NUP133: variants seen among roughly 807,000 people sequenced by gnomAD.
NUP133 encodes the protein nucleoporin 133.
NUP133 carries 66 observed loss-of-function variants against 146.2 expected under a neutral mutation model. The ratio of observed to expected loss-of-function variants is 0.45; its 90% confidence interval spans 0.37 to 0.55. The LOEUF (loss-of-function observed/expected upper bound fraction) is 0.55. Among genes scored for constraint, NUP133 ranks in the 20% least tolerant of loss-of-function variants. The probability of loss-of-function intolerance (pLI) is 0.00; values close to 1 mark genes in which losing one functional copy is unlikely to be tolerated. For missense variants in NUP133, 1,277 were observed against 1,374.8 expected, an observed-to-expected ratio of 0.93 and a Z score of 1.12; for synonymous variants, 521 against 498.8, an observed-to-expected ratio of 1.04 and a Z score of -0.59.
chr1:229,484,131 C>A lies in NUP133; in HGVS notation c.1515G>T (p.Glu505Asp). 3 of 1,611,936 alleles carry A rather than the reference C, an allele frequency of 1.9e-6. No homozygotes were observed. The highest frequency in any genetic ancestry group is 2.5e-6 in the Non-Finnish European group (3 of 1,178,672). ...CTATAGTTTCATTCTTTGTAGTGGT[C>A]TCAAAAATCATACTCTGCAAAATAA... is the stretch of plus-strand genomic sequence containing the variant. The part of the protein sequence containing the change: ...AGPNSESMIF[E>D]TTTKNETIAQ... Residue 505 changes from glutamate (E) to aspartate (D), a missense_variant, in exon 12 of 26, where the codon GAG (glutamate) becomes GAT (aspartate). Glu to Asp is a conservative substitution (Grantham distance 45). Transcript: ENST00000261396.
chr1:229,463,538 A>T lies in NUP133; in HGVS notation c.2685+5T>A. 6.2e-7 allele frequency: 1 copy of T among 1,613,624 alleles called. No homozygotes were observed. Among genetic ancestry groups the T allele is most frequent in the Non-Finnish European group, 8.5e-7 (1 of 1,179,836 alleles). ...CTCAGTGGCCACACACCCAACACTC[A>T]TCACCTGATCAGCAAACTGGGTCAT... On this transcript the variant is annotated splice_donor_5th_base_variant and intron_variant, in intron 19 of 25. Coordinates refer to ENST00000261396, the MANE Select transcript of NUP133 (RefSeq NM_018230.3).
intron 9 of NUP133, among the ~76,000 whole-genome samples, chr1:229,489,533 TA>T (rs1661456819): frequency 6.6e-6 from 1 of 152,210 alleles, no homozygotes; most frequent in Non-Finnish European, 1.5e-5. Context: ...CAAGCTATTT[TA>T]AAATATTTCC....
rs185457589 is a variant in NUP133 at position 229,499,945 on chromosome 1, A to C, written c.514-127T>G. 5.3e-6 allele frequency: 6 copies of C among 1,127,974 alleles called. No individual in the cohort carries two copies. In the East Asian group the frequency reaches 1.6e-4, roughly 29 times the overall value. The allele number at this position is 1,127,974 out of a possible 1,614,324, so 69.9% of individuals were successfully genotyped here. On this transcript the variant is annotated intron_variant, in intron 4 of 25. Coordinates refer to ENST00000261396, the MANE Select transcript of NUP133 (RefSeq NM_018230.3). Reference sequence around the variant, plus strand: ...TGATCAAGAAAAATCAGAAATAAGAACTCACCAGTGTTTTGGTTTGCATTT... The same window carrying C: ...TGATCAAGAAAAATCAGAAATAAGACCTCACCAGTGTTTTGGTTTGCATTT...
intron 6 of NUP133, among the ~76,000 whole-genome samples, chr1:229,497,921 ATCTG>A (rs1661697575): frequency 1.3e-5 from 2 of 152,254 alleles, no homozygotes; most frequent in South Asian, 2.1e-4. Flanking sequence ...TTGTGAGATA[ATCTG>A]TCTGATTTAA....
At chr1:229,473,688 C>T (rs79255779) in intron 14 of NUP133, among the ~76,000 whole-genome samples, 264 of 152,190 alleles carry the variant, frequency 1.7e-3, no homozygotes, top group Middle Eastern at 3.4e-3. Context: ...CTTTGGGAGG[C>T]AGAGGCAGGC....
At chr1:229,460,358 G>A (rs1660665527) in intron 20 of NUP133, among the ~76,000 whole-genome samples, 1 of 151,966 alleles carries the variant, frequency 6.6e-6, no homozygotes, top group Non-Finnish European at 1.5e-5. Flanking sequence ...ACCACACCTG[G>A]CTAATGTTTT....
chr1:229,456,053 C>A (rs1660552573), intron 21 of NUP133, among the ~76,000 whole-genome samples: 1 of 152,130 alleles, frequency 6.6e-6, no homozygotes, highest in Non-Finnish European at 1.5e-5. Flanking sequence ...TCTAGGGCAA[C>A]TGTATTATAC....
rs550657910 is a variant in NUP133 at position 229,486,524 on chromosome 1, A to G, written c.1347T>C (p.Asp449=). 1.2e-6 allele frequency: 2 copies of G among 1,605,290 alleles called. No homozygotes were observed. Among genetic ancestry groups the G allele is most frequent in the Admixed American group, 3.5e-5 (2 of 57,588 alleles). Residue 449 remains aspartate, a synonymous_variant, in exon 11 of 26, where the codon GAT becomes GAC. Coordinates refer to ENST00000261396, the MANE Select transcript of NUP133 (RefSeq NM_018230.3). ...CACAGGCACCAGCACCTAAAACACTATCTCCTAAAAGAAAGGAAAACAGAG... is the reference window on the plus strand; with the variant it reads ...CACAGGCACCAGCACCTAAAACACTGTCTCCTAAAAGAAAGGAAAACAGAG... The part of the protein sequence containing the change: ...QEKIVFNAQG[D]SVLGAGACGG...
intron 7 of NUP133, 22 bp from the exon 8 acceptor site, chr1:229,495,587 G>A: frequency 6.6e-7 from 1 of 1,522,098 alleles, no homozygotes; most frequent in African/African-American, 1.4e-5. Flanking sequence ...TATCAATAAT[G>A]TAAGCTTCTC....
chr1:229,495,119 T>C (rs1010185315), intron 8 of NUP133, among the ~76,000 whole-genome samples: 3 of 152,196 alleles, frequency 2.0e-5, no homozygotes, highest in Non-Finnish European at 4.4e-5. Flanking sequence ...CTGGGCACAG[T>C]GGCTCACACC....
Position 229,464,624 on chromosome 1 carries a change from G to A in NUP133, c.2551C>T (p.Leu851Phe), listed in dbSNP as rs745887467. 2.0e-5 allele frequency: 33 copies of A among 1,613,462 alleles called. No homozygotes were observed. The highest frequency in any genetic ancestry group is 2.2e-5 in the Non-Finnish European group (26 of 1,179,526). The part of the protein sequence containing the change: ...QKRSDLLSPL[L>F]SLGQYLWAAS... ...CTCTTGCCAAGTATCATGAACTTACGAAGAGGAGATAAGAGATCTGATCTT... is the reference window on the plus strand; with the variant it reads ...CTCTTGCCAAGTATCATGAACTTACAAAGAGGAGATAAGAGATCTGATCTT... The change falls in exon 18 of 26, where the codon CTT (leucine) becomes TTT (phenylalanine). Residue 851 changes from leucine to phenylalanine, a missense_variant and splice_region_variant. Physicochemically the swap from Leu to Phe is conservative, Grantham distance 22 (BLOSUM62 0). Coordinates refer to ENST00000261396, the MANE Select transcript of NUP133 (RefSeq NM_018230.3).
intron 17 of NUP133, 119 bp from the exon 18 acceptor site, chr1:229,464,994 G>A (rs1660779276): frequency 1.8e-5 from 21 of 1,144,016 alleles, no homozygotes; most frequent in Non-Finnish European, 2.6e-5. Context: ...ATTGAACAGG[G>A]ATTCAGGTGA....
intron 2 of NUP133, among the ~76,000 whole-genome samples, chr1:229,502,799 A>G (rs1333342791): frequency 8.0e-6 from 1 of 124,678 alleles, no homozygotes; most frequent in Non-Finnish European, 1.6e-5. Flanking sequence ...CTCTCTCTTA[A>G]AAAAAAAAAA....
intron 15 of NUP133, among the ~76,000 whole-genome samples, chr1:229,470,274 T>A (rs1444664373): frequency 7.3e-6 from 1 of 137,322 alleles, no homozygotes; most frequent in Non-Finnish European, 1.5e-5. Context: ...GGCAACAGAG[T>A]GAGACTCCAT....
Position 229,441,537 on chromosome 1 carries a change from A to T in NUP133, c.*367T>A. 2.0e-6 allele frequency: 1 copy of T among 492,746 alleles called. No individual in the cohort carries two copies. Among genetic ancestry groups the T allele is most frequent in the South Asian group, 1.5e-5 (1 of 66,288 alleles). The allele number at this position is 492,746 out of a possible 1,614,324, so 30.5% of individuals were successfully genotyped here. ...GTATCTGGAGTCACAGCAATTTTAG[A>T]GACAAGCTAGTGCAATCTAGTAATT... On this transcript the variant is annotated 3_prime_UTR_variant, in exon 26 of 26. Coordinates refer to ENST00000261396, the MANE Select transcript of NUP133 (RefSeq NM_018230.3).
intron 22 of NUP133, 31 bp downstream of exon 22, chr1:229,452,494 A>G (rs771289756): frequency 3.7e-5 from 57 of 1,546,224 alleles, no homozygotes; most frequent in Non-Finnish European, 5.1e-5. Flanking sequence ...TGAGTTTAAG[A>G]AATAGCGTTA....
Position 229,496,016 on chromosome 1 carries a change from G to A in NUP133, c.851C>T (p.Ser284Leu). The A allele has an allele frequency of 6.2e-7, 1 of 1,602,836 alleles. No individual in the cohort carries two copies. Among genetic ancestry groups the A allele is most frequent in the East Asian group, 2.2e-5 (1 of 44,564 alleles). The change falls in exon 7 of 26, where the codon TCA becomes TTA. Residue 284 changes from serine to leucine, a missense_variant. Coordinates refer to ENST00000261396, the MANE Select transcript of NUP133 (RefSeq NM_018230.3). ...TGAACTCGTCAGGCTATAAAAGCTTGATCTCTCTCTATCCCAGAGAACACT... is the reference window on the plus strand; with the variant it reads ...TGAACTCGTCAGGCTATAAAAGCTTAATCTCTCTCTATCCCAGAGAACACT... ...LSSVLWDRER[S>L]SFYSLTSSNI...
chr1:229,466,858 T>TA, intron 15 of NUP133, 102 bp from the exon 16 acceptor site: 1 of 938,974 alleles, frequency 1.1e-6, no homozygotes. Context: ...CTCAGACCTA[T>TA]AGATGGAGGA....
chr1:229,482,404 C>A lies in NUP133; in HGVS notation c.1592+1650G>T, dbSNP rs59171182. Among the ~76,000 whole-genome samples the A allele has an allele frequency of 6.7e-3, 1,017 of 152,192 alleles. 11 individuals carry two copies. The highest frequency in any genetic ancestry group is 0.023 in the African/African-American group (957 of 41,518). ...TAATGATCCTTTAGCCATGCTAACT[C>A]CCACCCCACTCAATACTTCGAAAAG... On this transcript the variant is annotated intron_variant, in intron 12 of 25. Coordinates refer to ENST00000261396, the MANE Select transcript of NUP133 (RefSeq NM_018230.3).
Sources: allele counts gnomAD v4.1 joint callset (sites outside exome capture counted in the v4.1 genomes callset), GRCh38; gene constraint gnomAD v4.1.1; transcripts MANE v1.5; gene names NCBI Gene and HGNC (gene_info 2026-07-23, HGNC 2026-07-21).